SHISA6: variants seen among roughly 807,000 people sequenced by gnomAD.
The protein encoded by SHISA6 is protein shisa-6.
In SHISA6, 22 loss-of-function variants were observed where a neutral mutation model predicts 47.9. That is an observed-to-expected ratio of 0.46 (90% CI 0.33 to 0.66). The LOEUF is 0.66. Ranked by LOEUF, SHISA6 falls within the 30% of genes least tolerant of loss-of-function variation. SHISA6 has a pLI of 0.02. For missense variants in SHISA6, 680 were observed against 764.6 expected, an observed-to-expected ratio of 0.89 and a Z score of 1.30; for synonymous variants, 388 against 337.8, an observed-to-expected ratio of 1.15 and a Z score of -1.63.
chr17:11,534,157 C>CTTTTTTTTTTTTT (rs373384700), intron 3 of SHISA6, among the ~76,000 whole-genome samples: 30 of 93,180 alleles, frequency 3.2e-4, no homozygotes, highest in African/African-American at 5.6e-4. Flanking sequence ...TCTTTTTTTT[C>CTTTTTTTTTTTTT]TTTTTTTTTT....
At chr17:11,449,334 T>C (rs1915318391) in intron 3 of SHISA6, among the ~76,000 whole-genome samples, 1 of 151,978 alleles carries the variant, frequency 6.6e-6, no homozygotes, top group Non-Finnish European at 1.5e-5. Context: ...TCCCAGCTAC[T>C]CAGGAGGCTA....
intron 3 of SHISA6, among the ~76,000 whole-genome samples, chr17:11,484,473 T>C (rs1428236509): frequency 6.6e-6 from 1 of 152,216 alleles, no homozygotes; most frequent in East Asian, 1.9e-4. Context: ...TGATCTTGGC[T>C]CACTGCAACC....
chr17:11,469,679 T>C (rs1432643046), intron 3 of SHISA6, among the ~76,000 whole-genome samples: 1 of 152,128 alleles, frequency 6.6e-6, no homozygotes, highest in Non-Finnish European at 1.5e-5. Context: ...TGTGAAGCAC[T>C]GGGCTTTCCC....
intron 3 of SHISA6, among the ~76,000 whole-genome samples, chr17:11,443,317 G>A (rs1245365539): frequency 1.3e-5 from 2 of 152,160 alleles, no homozygotes; most frequent in East Asian, 1.9e-4. Context: ...TGAAGATAAC[G>A]AAGTGTGTCT....
chr17:11,552,939 A>G (rs1011121961), intron 4 of SHISA6, among the ~76,000 whole-genome samples: 6 of 152,352 alleles, frequency 3.9e-5, no homozygotes, highest in South Asian at 2.1e-4. Context: ...GGGAAAAGAA[A>G]GGACGGTTGA....
intron 2 of SHISA6, among the ~76,000 whole-genome samples, chr17:11,281,869 C>T (rs988534864): frequency 6.6e-6 from 1 of 152,212 alleles, no homozygotes; most frequent in Non-Finnish European, 1.5e-5. Context: ...TACTTGAAAA[C>T]ATCACTGATC....
chr17:11,434,907 G>A (rs1362362753), intron 3 of SHISA6, among the ~76,000 whole-genome samples: 2 of 152,188 alleles, frequency 1.3e-5, no homozygotes, highest in Non-Finnish European at 2.9e-5. Context: ...TTGGCAAACA[G>A]TTAAAAGTTG....
At chr17:11,432,707 C>G (rs1361625983) in intron 3 of SHISA6, among the ~76,000 whole-genome samples, 1 of 151,812 alleles carries the variant, frequency 6.6e-6, no homozygotes, top group Non-Finnish European at 1.5e-5. Flanking sequence ...ATATGTCTAC[C>G]CATAAAAAGA....
rs1417599107 is a variant in SHISA6 at position 11,248,727 on chromosome 17, A to C, written c.638+6667A>C. ...AAGGGCAATAACCTAATCTAAGCATAATCCTTTTATAAGGTCTGAGTAATG... is the reference window on the plus strand; with the variant it reads ...AAGGGCAATAACCTAATCTAAGCATCATCCTTTTATAAGGTCTGAGTAATG... On this transcript the variant is annotated intron_variant, in intron 1 of 5. Coordinates refer to ENST00000441885, the MANE Select transcript of SHISA6 (RefSeq NM_207386.4). Among the ~76,000 whole-genome samples, 31 of 152,190 alleles carry C rather than the reference A, an allele frequency of 2.0e-4. 1 individual carries two copies. The highest frequency in any genetic ancestry group is 2.0e-3 in the Admixed American group (31 of 15,278).
At chr17:11,533,430 C>G (rs1421664175) in intron 3 of SHISA6, among the ~76,000 whole-genome samples, 4 of 152,060 alleles carry the variant, frequency 2.6e-5, no homozygotes, top group South Asian at 2.1e-4. Context: ...CCTACCAACC[C>G]TCTATGACTC....
intron 3 of SHISA6, among the ~76,000 whole-genome samples, chr17:11,504,270 A>G (rs1476953333): frequency 1.3e-5 from 2 of 152,296 alleles, no homozygotes; most frequent in East Asian, 3.9e-4. Flanking sequence ...AGCAGAAATC[A>G]AACAGCTCTT....
intron 2 of SHISA6, among the ~76,000 whole-genome samples, chr17:11,327,304 G>A (rs1441830724): frequency 6.6e-6 from 1 of 152,116 alleles, no homozygotes; most frequent in East Asian, 1.9e-4. Context: ...CACCATGATG[G>A]GGTTTCTACT....
At chr17:11,254,869 A>G (rs1458632882) in intron 1 of SHISA6, among the ~76,000 whole-genome samples, 1 of 152,246 alleles carries the variant, frequency 6.6e-6, no homozygotes, top group Non-Finnish European at 1.5e-5. Context: ...CGTGGGTTCA[A>G]CTTCACACTG....
chr17:11,552,296 T>G (rs1051664985), intron 4 of SHISA6, among the ~76,000 whole-genome samples: 1 of 152,198 alleles, frequency 6.6e-6, no homozygotes, highest in Non-Finnish European at 1.5e-5. Flanking sequence ...CAAAGCTATT[T>G]GTGATATCAT....
intron 3 of SHISA6, among the ~76,000 whole-genome samples, chr17:11,422,222 TG>T (rs1423953549): frequency 6.6e-6 from 1 of 152,186 alleles, no homozygotes; most frequent in Non-Finnish European, 1.5e-5. Flanking sequence ...GCAGCCTGAC[TG>T]GGCTGGTGGG....
At chr17:11,525,268 C>T (rs1409920352) in intron 3 of SHISA6, among the ~76,000 whole-genome samples, 2 of 152,074 alleles carry the variant, frequency 1.3e-5, no homozygotes, top group Non-Finnish European at 2.9e-5. Flanking sequence ...ACAAGAAGAA[C>T]ACAACCAGTC....
At chr17:11,281,295 A>G (rs1909112145) in intron 2 of SHISA6, among the ~76,000 whole-genome samples, 1 of 152,114 alleles carries the variant, frequency 6.6e-6, no homozygotes, top group Non-Finnish European at 1.5e-5. Flanking sequence ...TGTATTTTGG[A>G]GATGCCCTTT....
At chr17:11,301,139 G>A (rs1398433065) in intron 2 of SHISA6, among the ~76,000 whole-genome samples, 5 of 151,986 alleles carry the variant, frequency 3.3e-5, no homozygotes, top group Admixed American at 6.6e-5. Flanking sequence ...TGCTGAGCCC[G>A]GTAGCAGACC....
intron 3 of SHISA6, among the ~76,000 whole-genome samples, chr17:11,405,238 A>G (rs1189542083): frequency 6.6e-6 from 1 of 152,134 alleles, no homozygotes; most frequent in Non-Finnish European, 1.5e-5. Context: ...TCACCAGGGG[A>G]TGTTGTCAAC....
Sources: gnomAD v4.1 joint callset for allele counts (sites outside exome capture counted in the v4.1 genomes callset) on GRCh38, gnomAD v4.1.1 for gene constraint, MANE v1.5 for transcripts, NCBI Gene and HGNC (gene_info 2026-07-23, HGNC 2026-07-21) for gene names.